TCEA1: variants seen among roughly 807,000 people sequenced by gnomAD.
TCEA1 encodes transcription elongation factor A protein 1.
In TCEA1, 21 loss-of-function variants were observed where a neutral mutation model predicts 43.8. The observed-to-expected ratio is 0.48, with a 90% CI of 0.34 to 0.69. The LOEUF is 0.69. Ranked by LOEUF, TCEA1 falls within the 30% of genes least tolerant of loss-of-function variation. TCEA1 has a pLI of 0.01. For synonymous variants in TCEA1, 104 were observed against 117.5 expected (o/e 0.88, Z 0.75); for missense variants, 250 against 365.1 (o/e 0.68, Z 2.57).
intron 8 of TCEA1, among the ~76,000 whole-genome samples, chr8:53,975,233 T>C (rs553694002): frequency 5.4e-4 from 83 of 152,314 alleles, no homozygotes; most frequent in African/African-American, 1.7e-3. Context: ...ATTCCAACTA[T>C]ACACAGAAAA....
chr8:54,020,963 G>A (rs1805004495), intron 1 of TCEA1, among the ~76,000 whole-genome samples: 3 of 152,200 alleles, frequency 2.0e-5, no homozygotes, highest in East Asian at 1.9e-4. Context: ...TGAGGTGGGC[G>A]GATCACCTGA....
At chr8:53,990,080 T>A (rs1287777766) in intron 4 of TCEA1, among the ~76,000 whole-genome samples, 1 of 152,012 alleles carries the variant, frequency 6.6e-6, no homozygotes, top group Non-Finnish European at 1.5e-5. Flanking sequence ...GCACCTGTGG[T>A]CCTAGCTACT....
intron 7 of TCEA1, among the ~76,000 whole-genome samples, chr8:53,983,419 A>G (rs1803580702): frequency 6.6e-6 from 1 of 152,218 alleles, no homozygotes. Flanking sequence ...AATATAGCTA[A>G]TATCTATGAA....
chr8:53,987,221 A>G (rs905405548), intron 5 of TCEA1, among the ~76,000 whole-genome samples, 196 bp from the exon 6 acceptor site: 1 of 152,232 alleles, frequency 6.6e-6, no homozygotes, highest in African/African-American at 2.4e-5. Flanking sequence ...TGATACCCAC[A>G]GTGCTCCTGC....
chr8:54,001,399 T>G (rs1227521062), intron 2 of TCEA1, among the ~76,000 whole-genome samples: 2 of 152,194 alleles, frequency 1.3e-5, no homozygotes, highest in Non-Finnish European at 2.9e-5. Flanking sequence ...TAAGTTTTAT[T>G]CAAGAATTTA....
At chr8:53,981,073 T>C (rs943217581) in intron 7 of TCEA1, among the ~76,000 whole-genome samples, 4 of 152,130 alleles carry the variant, frequency 2.6e-5, no homozygotes, top group African/African-American at 9.7e-5. Flanking sequence ...TCTTTAATGC[T>C]GAGAGAGATG....
rs1803761338 is a variant in TCEA1 at position 53,988,388 on chromosome 8, G to C, written c.321-129C>G. 3.6e-6 allele frequency: 4 copies of C among 1,114,900 alleles called. No homozygotes were observed. The South Asian group carries it at 1.0e-4, about 28-fold the overall frequency. 69.1% of individuals were successfully genotyped at this position (1,114,900 alleles called of 1,614,324 possible). A position where few individuals can be genotyped will look rare whatever the true frequency, so the allele number is the denominator to read the frequency against. On this transcript the variant is annotated intron_variant, in intron 4 of 9. Transcript: ENST00000521604. ...GACACAGTATCTCAGTGACCTTTAT[G>C]TGATGGAAAAAAAATTGCCTGCATA...
intron 1 of TCEA1, among the ~76,000 whole-genome samples, chr8:54,012,956 C>T (rs1255416642): frequency 3.7e-5 from 4 of 108,384 alleles, no homozygotes; most frequent in Admixed American, 2.1e-4. Flanking sequence ...TAAAAAACGA[C>T]GACGACAAAA....
chr8:53,984,665 C>CCT, intron 6 of TCEA1, 148 bp from the exon 7 acceptor site: 5 of 561,032 alleles, frequency 8.9e-6, no homozygotes, highest in Non-Finnish European at 1.5e-5. Flanking sequence ...TGGTGGATCA[C>CCT]GAGGTCAGGA....
At chr8:54,012,962 C>CAAAAAAAAAAAAAAAAAAAAAAAAAAAAA (rs72062714) in intron 1 of TCEA1, among the ~76,000 whole-genome samples, 1 of 76,966 alleles carries the variant, frequency 1.3e-5, no homozygotes, top group Non-Finnish European at 2.9e-5. Flanking sequence ...ACGACGACGA[C>CAAAAAAAAAAAAAAAAAAAAAAAAAAAAA]AAAAAAAAAA....
intron 7 of TCEA1, among the ~76,000 whole-genome samples, chr8:53,980,003 G>A (rs920282951): frequency 6.6e-6 from 1 of 151,962 alleles, no homozygotes; most frequent in Non-Finnish European, 1.5e-5. Flanking sequence ...ACTAATGTGA[G>A]TAATAACTTC....
In TCEA1 at chr8:53,987,011, T is replaced by C. The variant is rs774628452; in HGVS notation, c.481A>G (p.Ile161Val). Reference sequence around the variant, plus strand: ...CCTAATTCTTCCTCATCAGCTCCAATTGCAATGTAGTCATCTAAAAATAGG... The same window carrying C: ...CCTAATTCTTCCTCATCAGCTCCAACTGCAATGTAGTCATCTAAAAATAGG... ...ALRTGDDYIAIGADEEELGSQ... is the reference protein window; with the variant it reads ...ALRTGDDYIAVGADEEELGSQ... Residue 161 changes from isoleucine to valine, a missense_variant, in exon 6 of 10, where the codon ATT (isoleucine) becomes GTT (valine). Transcript: ENST00000521604. 234 of 1,601,352 alleles carry C rather than the reference T, an allele frequency of 1.5e-4. 3 individuals carry two copies. The South Asian group carries it at 2.1e-3, about 14-fold the overall frequency.
intron 7 of TCEA1, among the ~76,000 whole-genome samples, chr8:53,982,082 T>A (rs1803529110): frequency 6.6e-6 from 1 of 152,168 alleles, no homozygotes; most frequent in African/African-American, 2.4e-5. Flanking sequence ...AGTTTTATTA[T>A]TTCAGAAATA....
Position 54,007,146 on chromosome 8 carries a change from G to A in TCEA1, c.126+3284C>T, listed in dbSNP as rs142658290. 3.7e-3 allele frequency among the ~76,000 whole-genome samples: 566 copies of A among 152,142 alleles called. 3 individuals are homozygous for A. The highest frequency in any genetic ancestry group is 0.013 in the African/African-American group (547 of 41,512). On this transcript the variant is annotated intron_variant, in intron 2 of 9. Transcript: ENST00000521604. ...CATGAGCCACCTGGTCGGCCTAGAGGAGGAGTTCTTAACCCTTTTTTTGCA... is the reference window on the plus strand; with the variant it reads ...CATGAGCCACCTGGTCGGCCTAGAGAAGGAGTTCTTAACCCTTTTTTTGCA...
intron 1 of TCEA1, among the ~76,000 whole-genome samples, chr8:54,016,564 T>G (rs1804833703): frequency 6.6e-6 from 1 of 151,846 alleles, no homozygotes; most frequent in Admixed American, 6.6e-5. Context: ...CGTGGTTGGG[T>G]GCAGTGGCTC....
intron 8 of TCEA1, among the ~76,000 whole-genome samples, chr8:53,975,016 A>G (rs562962928): frequency 4.8e-4 from 73 of 152,126 alleles, no homozygotes; most frequent in Non-Finnish European, 9.7e-4. Flanking sequence ...AAAAGATGGA[A>G]GAACTTTTTG....
intron 1 of TCEA1, among the ~76,000 whole-genome samples, chr8:54,019,646 A>G (rs896610915): frequency 3.3e-5 from 5 of 152,122 alleles, no homozygotes; most frequent in African/African-American, 1.2e-4. Context: ...AAACTACCGA[A>G]AAAAAGAGAA....
At chr8:54,017,910 A>C (rs527378279) in intron 1 of TCEA1, among the ~76,000 whole-genome samples, 2 of 152,188 alleles carry the variant, frequency 1.3e-5, no homozygotes, top group Admixed American at 6.6e-5. Context: ...ACATGACTGC[A>C]TGAGTTATAC....
At chr8:53,998,377 T>G (rs1446060592) in intron 3 of TCEA1, among the ~76,000 whole-genome samples, 2 of 152,172 alleles carry the variant, frequency 1.3e-5, no homozygotes, top group East Asian at 3.8e-4. Flanking sequence ...AGTCACTTAT[T>G]ATGTCAAAAT....
Sources: gnomAD v4.1 joint callset for allele counts (sites outside exome capture counted in the v4.1 genomes callset) on GRCh38, gnomAD v4.1.1 for gene constraint, MANE v1.5 for transcripts, NCBI Gene and HGNC (gene_info 2026-07-23, HGNC 2026-07-21) for gene names.